Variants in CFI observed in about 807,000 individuals in gnomAD.
CFI encodes the protein complement factor I, also known as C3B/C4B inactivator.
A neutral mutation model predicts 78.8 loss-of-function variants in CFI; 66 were observed. That is an observed-to-expected ratio of 0.84 (90% CI 0.69 to 1.03). The LOEUF (loss-of-function observed/expected upper bound fraction) is 1.03. Ranked by LOEUF, CFI falls within the 50% of genes least tolerant of loss-of-function variation. CFI has a pLI of 0.00. For missense variants in CFI, 706 were observed against 704.5 expected, an observed-to-expected ratio of 1.00 and a Z score of -0.02; for synonymous variants, 250 against 232.6, an observed-to-expected ratio of 1.07 and a Z score of -0.68.
intron 7 of CFI, among the ~76,000 whole-genome samples, chr4:109,752,797 C>T (rs11936921): frequency 6.9e-6 from 1 of 144,576 alleles, no homozygotes; most frequent in African/African-American, 2.6e-5. Flanking sequence ...AGTTAGAGCA[C>T]GCAAAATGCA....
At chr4:109,758,442 T>C (rs1726596907) in intron 6 of CFI, among the ~76,000 whole-genome samples, 1 of 152,074 alleles carries the variant, frequency 6.6e-6, no homozygotes, top group East Asian at 1.9e-4. Context: ...TAGTCTAGAA[T>C]AGGTACATAA....
chr4:109,758,751 C>G (rs1475412568), intron 6 of CFI, among the ~76,000 whole-genome samples: 1 of 152,176 alleles, frequency 6.6e-6, no homozygotes, highest in East Asian at 1.9e-4. Context: ...GACAACCAGA[C>G]AAGAAGACAT....
chr4:109,756,837 CTACAAGACCGAG>C (rs1402795110), intron 7 of CFI, among the ~76,000 whole-genome samples: 58 of 146,822 alleles, frequency 4.0e-4, no homozygotes, highest in African/African-American at 1.4e-3. Context: ...CCAGCCTGGG[CTACAAGACCGAG>C]TACAAGACCG....
intron 10 of CFI, among the ~76,000 whole-genome samples, chr4:109,747,154 A>C (rs141336141): frequency 6.6e-6 from 1 of 152,224 alleles, no homozygotes; most frequent in Admixed American, 6.5e-5. Context: ...CTTATGCTTC[A>C]CTACATTTTC....
At chr4:109,774,269 A>C (rs1381285017) in intron 1 of CFI, among the ~76,000 whole-genome samples, 1 of 152,214 alleles carries the variant, frequency 6.6e-6, no homozygotes, top group Non-Finnish European at 1.5e-5. Flanking sequence ...ATAAGATGAC[A>C]TAAGGTGATA....
At chr4:109,760,796 A>G (rs760518975) in intron 4 of CFI, among the ~76,000 whole-genome samples, 160 bp from the exon 5 acceptor site, 1 of 152,244 alleles carries the variant, frequency 6.6e-6, no homozygotes, top group Non-Finnish European at 1.5e-5. Flanking sequence ...TGACTCATAC[A>G]GAAAATAAAG....
Position 109,766,825 on chromosome 4 carries a change from C to A in CFI, c.58-1G>T. The A allele has an allele frequency of 6.2e-7, 1 of 1,613,954 alleles. No homozygotes were observed. Among genetic ancestry groups the A allele is most frequent in the African/African-American group, 1.3e-5 (1 of 75,030 alleles). On this transcript the variant is annotated splice_acceptor_variant, in intron 1 of 12. Transcript: ENST00000394634. LOFTEE classifies it high-confidence loss of function. ...GATCCTCTTGAGATGTATAAGTGAC[C>A]TGTAAAATGCAAAATAAACATTAAC...
chr4:109,799,908 T>C (rs1383244344), intron 1 of CFI, among the ~76,000 whole-genome samples: 3 of 152,220 alleles, frequency 2.0e-5, no homozygotes, highest in Admixed American at 2.0e-4. Context: ...ACACGCAAAA[T>C]GCTACTAAGC....
At chr4:109,747,405 C>T (rs1279758399) in intron 10 of CFI, among the ~76,000 whole-genome samples, 1 of 152,104 alleles carries the variant, frequency 6.6e-6, no homozygotes, top group Non-Finnish European at 1.5e-5. Context: ...CCAGGCTGGT[C>T]TCAAACCTAC....
the CFI span, among the ~76,000 whole-genome samples, chr4:109,732,845 A>G: frequency 7.7e-6 from 1 of 129,502 alleles, no homozygotes; most frequent in Admixed American, 7.3e-5. Flanking sequence ...CCACAGAGCA[A>G]GACTCTGTCT....
At chr4:109,763,243 G>A (rs1172023399) in intron 3 of CFI, among the ~76,000 whole-genome samples, 1 of 151,978 alleles carries the variant, frequency 6.6e-6, no homozygotes, top group African/African-American at 2.4e-5. Context: ...GAAACTTGAT[G>A]GGTTAATTAC....
intron 1 of CFI, among the ~76,000 whole-genome samples, chr4:109,778,983 CA>C (rs1729642021): frequency 6.6e-6 from 1 of 152,072 alleles, no homozygotes; most frequent in Non-Finnish European, 1.5e-5. Flanking sequence ...GGACGTATCT[CA>C]AAATAATAAG....
At chr4:109,780,144 A>T (rs1002215260) in intron 1 of CFI, among the ~76,000 whole-genome samples, 13 of 152,184 alleles carry the variant, frequency 8.5e-5, no homozygotes, top group African/African-American at 3.1e-4. Context: ...AAATTGACAA[A>T]TGGGATCTAA....
At position 109,740,825 on chromosome 4, in the gene CFI, A is replaced by G. The variant is rs1254680415; in HGVS notation, c.*68T>C. On this transcript the variant is annotated 3_prime_UTR_variant, in exon 13 of 13. Coordinates refer to ENST00000394634, the MANE Select transcript of CFI (RefSeq NM_000204.5). ...TCCCCCCTAGAGAATTATTAATTAT[A>G]CCGTTTTATTTCCATTAAATGGAAC... The G allele has an allele frequency of 1.4e-6, 2 of 1,389,996 alleles. No individual in the cohort carries two copies. Among genetic ancestry groups the G allele is most frequent in the East Asian group, 2.3e-5 (1 of 43,840 alleles). The allele number at this position is 1,389,996 out of a possible 1,614,324, so 86.1% of individuals were successfully genotyped here.
the CFI span, among the ~76,000 whole-genome samples, chr4:109,732,590 G>T: frequency 1.3e-5 from 2 of 152,124 alleles, no homozygotes; most frequent in Non-Finnish European, 2.9e-5. Flanking sequence ...GGGTGCGGTG[G>T]CTCACGCCTG....
At chr4:109,783,483 T>C (rs1443216052) in intron 1 of CFI, among the ~76,000 whole-genome samples, 2 of 151,916 alleles carry the variant, frequency 1.3e-5, no homozygotes, top group Non-Finnish European at 2.9e-5. Context: ...GATACCACCT[T>C]ACTCCTGCAA....
chr4:109,756,897 GAAA>G (rs1241319170), intron 7 of CFI, among the ~76,000 whole-genome samples: 49 of 21,966 alleles, frequency 2.2e-3, no homozygotes, highest in African/African-American at 7.6e-3. Context: ...AGGAAAGAAA[GAAA>G]GAAAGAAAGA....
intron 1 of CFI, among the ~76,000 whole-genome samples, chr4:109,799,453 A>C (rs1732480464): frequency 6.6e-6 from 1 of 152,192 alleles, no homozygotes. Flanking sequence ...CTGAGTGAGA[A>C]ACGTACATGG....
At chr4:109,741,603 A>G (rs1385263262) in intron 12 of CFI, among the ~76,000 whole-genome samples, 2 of 152,232 alleles carry the variant, frequency 1.3e-5, no homozygotes, top group African/African-American at 4.8e-5. Flanking sequence ...ACTTGAACCC[A>G]GGCAACCACA....
Sources: allele counts gnomAD v4.1 joint callset (sites outside exome capture counted in the v4.1 genomes callset), GRCh38; gene constraint gnomAD v4.1.1; transcripts MANE v1.5; gene names NCBI Gene and HGNC (gene_info 2026-07-23, HGNC 2026-07-21).